The following ITGAD variants were observed in gnomAD, a reference collection of about 807,000 sequenced individuals.
ITGAD encodes the protein integrin subunit alpha D.
ITGAD carries 105 observed loss-of-function variants against 139.0 expected under a neutral mutation model. That is an observed-to-expected ratio of 0.76 (90% CI 0.65 to 0.89). ITGAD has a LOEUF of 0.89. Ranked by LOEUF, ITGAD falls within the 40% of genes least tolerant of loss-of-function variation. ITGAD has a pLI of 0.00. For missense variants in ITGAD, 1,384 were observed against 1,487.3 expected (o/e 0.93, Z 1.14); for synonymous variants, 569 against 598.3 (o/e 0.95, Z 0.71).
At chr16:31,394,460 C>T (rs1374574086) in intron 2 of ITGAD, 119 bp downstream of exon 2, 2 of 624,946 alleles carry the variant, frequency 3.2e-6, no homozygotes, top group East Asian at 2.9e-5. Context: ...AGAAGTCTTC[C>T]CTTGGCTCCT....
At chr16:31,423,310 G>A (rs766272182) in intron 24 of ITGAD, 42 bp from the exon 25 acceptor site, 2 of 1,596,684 alleles carry the variant, frequency 1.3e-6, no homozygotes, top group South Asian at 1.1e-5. Flanking sequence ...GATTTGGAAG[G>A]CTCCAGAGAC....
chr16:31,403,449 A>G lies in ITGAD; in HGVS notation c.559-51A>G. On this transcript the variant is annotated intron_variant, in intron 6 of 29. Transcript: ENST00000389202. This position sits in a 1 kb window ranked among gnomAD's most constrained non-coding sequence, Gnocchi z 4.4. ...TGTCTCTACAAAAAATTAAAATAAA[A>G]ACAATAGTAACAGGCACTGAGCCCT... The G allele has an allele frequency of 6.3e-7, 1 of 1,599,694 alleles. No homozygotes were observed. Among genetic ancestry groups the G allele is most frequent in the Non-Finnish European group, 8.5e-7 (1 of 1,171,478 alleles).
chr16:31,415,459 G>C (rs1006281169), intron 18 of ITGAD, among the ~76,000 whole-genome samples: 5 of 152,024 alleles, frequency 3.3e-5, no homozygotes, highest in Non-Finnish European at 5.9e-5. Flanking sequence ...GCCCTTACTA[G>C]GCACGCTTTT....
intron 23 of ITGAD, among the ~76,000 whole-genome samples, chr16:31,419,140 C>T (rs1464423782): frequency 6.6e-6 from 1 of 151,020 alleles, no homozygotes; most frequent in Non-Finnish European, 1.5e-5. Context: ...TTGCAGTGAG[C>T]TGAGATTGTG....
intron 23 of ITGAD, among the ~76,000 whole-genome samples, chr16:31,419,306 T>A (rs2081963642): frequency 6.6e-6 from 1 of 152,234 alleles, no homozygotes; most frequent in African/African-American, 2.4e-5. Context: ...TCATAGCAGT[T>A]GTAACATTGT....
At chr16:31,408,888 TC>T (rs1251559462) in intron 10 of ITGAD, among the ~76,000 whole-genome samples, 1 of 151,900 alleles carries the variant, frequency 6.6e-6, no homozygotes, top group Non-Finnish European at 1.5e-5. Context: ...GCGGGAGAGA[TC>T]CGGGCTTGCC....
At chr16:31,424,407 C>T (rs537103695) in intron 28 of ITGAD, 60 bp from the exon 29 acceptor site, 30 of 1,432,452 alleles carry the variant, frequency 2.1e-5, no homozygotes, top group South Asian at 1.4e-4. Context: ...TTAAAGGTTG[C>T]GGAACCTGGG....
intron 12 of ITGAD, 79 bp from the exon 13 acceptor site, chr16:31,410,997 C>G (rs2081687292): frequency 6.2e-7 from 1 of 1,602,672 alleles, no homozygotes; most frequent in African/African-American, 1.3e-5. Context: ...GGTCCTGGTA[C>G]CTGGGGAGAG....
In ITGAD at chr16:31,423,838, C is replaced by T. The variant is rs1193329081; in HGVS notation, c.3046-7C>T. 6.2e-7 allele frequency: 1 copy of T among 1,613,728 alleles called. No individual in the cohort carries two copies. The highest frequency in any genetic ancestry group is 8.5e-7 in the Non-Finnish European group (1 of 1,179,738). ...ACCCCTCAGTTTCACCCCTCTTCTG[C>T]CCCCAGGACTGCTCCATTGCTGACT... On this transcript the variant is annotated splice_region_variant and splice_polypyrimidine_tract_variant and intron_variant, in intron 26 of 29. Transcript: ENST00000389202.
At chr16:31,401,401 C>T (rs77956653) in intron 5 of ITGAD, among the ~76,000 whole-genome samples, 1 of 152,234 alleles carries the variant, frequency 6.6e-6, no homozygotes, top group Non-Finnish European at 1.5e-5. Context: ...AACAGTTCCC[C>T]TCTGCCTAGC....
In ITGAD at chr16:31,413,017, G is replaced by A. The variant is rs780122476; in HGVS notation, c.1838+49G>A. ...CCTCCCGCGCTGTGTCTGATTCACCGGTGCTGCCTCCCCAGCCACGTTATC... is the reference window on the plus strand; with the variant it reads ...CCTCCCGCGCTGTGTCTGATTCACCAGTGCTGCCTCCCCAGCCACGTTATC... On this transcript the variant is annotated intron_variant, in intron 15 of 29. Coordinates refer to ENST00000389202, the MANE Select transcript of ITGAD (RefSeq NM_005353.3). 2.7e-5 allele frequency: 44 copies of A among 1,603,476 alleles called. 1 individual carries two copies. Among genetic ancestry groups the A allele is most frequent in the East Asian group, 1.1e-4 (5 of 44,696 alleles).
Position 31,418,473 on chromosome 16 carries a change from G to C in ITGAD, c.2697-8G>C, listed in dbSNP as rs1322655154. 6.2e-7 allele frequency: 1 copy of C among 1,613,444 alleles called. No homozygotes were observed. Among genetic ancestry groups the C allele is most frequent in the Admixed American group, 1.7e-5 (1 of 60,006 alleles). On this transcript the variant is annotated splice_polypyrimidine_tract_variant and splice_region_variant and intron_variant, in intron 22 of 29. Transcript: ENST00000389202. ...TCCTTCCCATTGGTCCCTCCTTTCT[G>C]TCTCCAGTGAGAACAATAAGGCTTC...
intron 7 of ITGAD, 34 bp from the exon 8 acceptor site, chr16:31,407,481 C>G: frequency 6.5e-7 from 1 of 1,538,060 alleles, no homozygotes; most frequent in Non-Finnish European, 8.8e-7. Context: ...TCAATCACAT[C>G]TCAGTAGAGT....
rs955526625 is a variant in ITGAD, at chr16:31,410,317, C to T, written c.1084-78C>T. ...AGAAAAGCCTGGATGGCGAGTGATG[C>T]GGGTGGCAGGCGTGTCTCTGGGATA... On this transcript the variant is annotated intron_variant, in intron 10 of 29. Coordinates refer to ENST00000389202, the MANE Select transcript of ITGAD (RefSeq NM_005353.3). 1.5e-5 allele frequency: 23 copies of T among 1,583,198 alleles called. No individual in the cohort carries two copies. The African/African-American group carries it at 1.9e-4, about 13-fold the overall frequency.
At chr16:31,409,578 G>A (rs1157457162) in intron 10 of ITGAD, among the ~76,000 whole-genome samples, 1 of 152,110 alleles carries the variant, frequency 6.6e-6, no homozygotes, top group African/African-American at 2.4e-5. Context: ...GCTCCCTGAA[G>A]GAGCTGAGGA....
chr16:31,425,935 C>A (rs2142870915), intron 29 of ITGAD, 80 bp from the exon 30 acceptor site: 1 of 892,012 alleles, frequency 1.1e-6, no homozygotes, highest in Admixed American at 1.9e-5. Flanking sequence ...CCCTCCTCAG[C>A]TTCCCACAGT....
chr16:31,423,342 T>A lies in ITGAD; in HGVS notation c.2860-10T>A. ...AGACCACAATAACACTCTGCCTTGATTTCCTGCAGGTGAATAACCTCAGCC... is the reference window on the plus strand; with the variant it reads ...AGACCACAATAACACTCTGCCTTGAATTCCTGCAGGTGAATAACCTCAGCC... On this transcript the variant is annotated splice_polypyrimidine_tract_variant and intron_variant, in intron 24 of 29. Transcript: ENST00000389202. The A allele has an allele frequency of 6.2e-7, 1 of 1,612,956 alleles. No individual in the cohort carries two copies. Among genetic ancestry groups the A allele is most frequent in the Non-Finnish European group, 8.5e-7 (1 of 1,178,968 alleles).
Position 31,403,366 on chromosome 16 carries a change from C to A in ITGAD, c.559-134C>A. On this transcript the variant is annotated intron_variant, in intron 6 of 29. Transcript: ENST00000389202. The surrounding 1 kb of genome is among the most constrained non-coding windows in gnomAD (Gnocchi z 4.4). ...AGGCATGTGACGTGTGCCTGTAGTT[C>A]CAGCTACTTGGAGGCTGAGGCAGGA... The A allele has an allele frequency of 9.8e-7, 1 of 1,020,018 alleles. No individual in the cohort carries two copies. Among genetic ancestry groups the A allele is most frequent in the Non-Finnish European group, 1.5e-6 (1 of 687,704 alleles). The allele number at this position is 1,020,018 out of a possible 1,614,324, so 63.2% of individuals were successfully genotyped here.
intron 7 of ITGAD, chr16:31,404,626 T>G (rs1207588067): frequency 6.6e-6 from 1 of 152,354 alleles, no homozygotes; most frequent in Admixed American, 6.6e-5. Context: ...GGGAAAAAAA[T>G]GAATGAGGCA....
Sources: gnomAD v4.1 joint callset for allele counts (sites outside exome capture counted in the v4.1 genomes callset) on GRCh38, gnomAD v4.1.1 for gene constraint, Gnocchi (gnomAD v3.1) non-coding constraint, MANE v1.5 for transcripts, NCBI Gene and HGNC (gene_info 2026-07-23, HGNC 2026-07-21) for gene names.